RAB3IP: variants seen among roughly 807,000 people sequenced by gnomAD.
The protein encoded by RAB3IP is RAB3A interacting protein.
RAB3IP carries 36 observed loss-of-function variants against 59.1 expected under a neutral mutation model. The observed-to-expected ratio is 0.61, with a 90% CI of 0.47 to 0.80. The LOEUF (loss-of-function observed/expected upper bound fraction) is 0.80. Among genes scored for constraint, RAB3IP ranks in the 30% least tolerant of loss-of-function variants. The pLI is 0.00. For synonymous variants in RAB3IP, 207 were observed against 191.2 expected (o/e 1.08, Z -0.68); for missense variants, 511 against 536.0 (o/e 0.95, Z 0.46).
At chr12:69,754,524 A>T (rs534088514) in intron 1 of RAB3IP, among the ~76,000 whole-genome samples, 67 of 152,232 alleles carry the variant, frequency 4.4e-4, no homozygotes, top group Non-Finnish European at 9.0e-4. Flanking sequence ...AACCAAGGTC[A>T]TGTATAATCA....
intron 10 of RAB3IP, among the ~76,000 whole-genome samples, chr12:69,813,314 A>G (rs1225375072): frequency 6.6e-6 from 1 of 152,178 alleles, no homozygotes; most frequent in Non-Finnish European, 1.5e-5. Flanking sequence ...GTATATGATA[A>G]ACCAGATGGT....
rs1321814284 is a variant in RAB3IP, at chr12:69,775,475, A to C, written c.511-9245A>C. ...TTGAATAGGAGCGGTGAGAGAGGGCATCCCTGTCTTGTGCCAGTTTTCAAA... is the reference window on the plus strand; with the variant it reads ...TTGAATAGGAGCGGTGAGAGAGGGCCTCCCTGTCTTGTGCCAGTTTTCAAA... On this transcript the variant is annotated intron_variant, in intron 3 of 10. Coordinates refer to ENST00000247833, the MANE Select transcript of RAB3IP (RefSeq NM_022456.5). 2.1e-4 allele frequency among the ~76,000 whole-genome samples: 14 copies of C among 68,058 alleles called. No homozygotes were observed. In the East Asian group the frequency reaches 2.2e-3, roughly 10 times the overall value. The allele number at this position is 68,058 out of a possible 152,430, so 44.6% of individuals were successfully genotyped here.
In RAB3IP at chr12:69,789,794, C is replaced by T. The variant is rs1470912993; in HGVS notation, c.607-4643C>T. 3.3e-5 allele frequency among the ~76,000 whole-genome samples: 5 copies of T among 152,076 alleles called. No individual in the cohort carries two copies. The South Asian group carries it at 8.3e-4, about 25-fold the overall frequency. On this transcript the variant is annotated intron_variant, in intron 4 of 10. Coordinates refer to ENST00000247833, the MANE Select transcript of RAB3IP (RefSeq NM_022456.5). ...GATGCATCAACATAGGCAAATCAATCAGTGTGATAAACCACAGTAATAGAA... is the reference window on the plus strand; with the variant it reads ...GATGCATCAACATAGGCAAATCAATTAGTGTGATAAACCACAGTAATAGAA...
At chr12:69,791,590 G>A (rs972315544) in intron 4 of RAB3IP, among the ~76,000 whole-genome samples, 2 of 152,092 alleles carry the variant, frequency 1.3e-5, no homozygotes, top group African/African-American at 4.8e-5. Context: ...TAATCATCAG[G>A]TAAATGCCAG....
At chr12:69,814,746 A>G (rs892138084) in intron 10 of RAB3IP, among the ~76,000 whole-genome samples, 3 of 152,182 alleles carry the variant, frequency 2.0e-5, no homozygotes, top group African/African-American at 7.2e-5. Flanking sequence ...TCATATATCA[A>G]ACGAAGACCT....
At chr12:69,766,636 T>G (rs1872249106) in intron 3 of RAB3IP, among the ~76,000 whole-genome samples, 1 of 152,036 alleles carries the variant, frequency 6.6e-6, no homozygotes, top group South Asian at 2.1e-4. Flanking sequence ...TTCTCCTGCC[T>G]CAGTCTCCCG....
intron 4 of RAB3IP, among the ~76,000 whole-genome samples, chr12:69,788,330 T>A (rs1876045310): frequency 6.6e-6 from 1 of 152,166 alleles, no homozygotes; most frequent in South Asian, 2.1e-4. Flanking sequence ...ATGATATTGC[T>A]TATTGCTCCT....
intron 3 of RAB3IP, among the ~76,000 whole-genome samples, chr12:69,759,713 C>G (rs534869289): frequency 1.8e-4 from 27 of 150,000 alleles, no homozygotes; most frequent in African/African-American, 6.7e-4. Context: ...CCCCCCACCT[C>G]CCTCCCGGAC....
At chr12:69,779,406 G>C (rs1284434916) in intron 3 of RAB3IP, among the ~76,000 whole-genome samples, 3 of 151,974 alleles carry the variant, frequency 2.0e-5, no homozygotes, top group African/African-American at 7.3e-5. Context: ...CTGTAGACCG[G>C]AGCTGTTCCT....
intron 1 of RAB3IP, among the ~76,000 whole-genome samples, chr12:69,748,128 C>A (rs1315862464): frequency 7.0e-6 from 1 of 143,570 alleles, no homozygotes; most frequent in African/African-American, 2.6e-5. Flanking sequence ...CAAGGTAAGT[C>A]CAAATTAGGG....
intron 3 of RAB3IP, among the ~76,000 whole-genome samples, chr12:69,771,698 A>G (rs1053276085): frequency 2.0e-5 from 3 of 152,138 alleles, no homozygotes; most frequent in African/African-American, 7.2e-5. Flanking sequence ...TTCTATTTTT[A>G]ATTTTTGGGA....
At chr12:69,807,720 G>C (rs1377796196) in intron 8 of RAB3IP, among the ~76,000 whole-genome samples, 1 of 147,632 alleles carries the variant, frequency 6.8e-6, no homozygotes, top group Non-Finnish European at 1.5e-5. Flanking sequence ...CTTCCTAGAT[G>C]GGGCGGCCGG....
chr12:69,763,895 A>G (rs1871776240), intron 3 of RAB3IP, among the ~76,000 whole-genome samples: 1 of 152,226 alleles, frequency 6.6e-6, no homozygotes, highest in Non-Finnish European at 1.5e-5. Flanking sequence ...TGCTTAGGAT[A>G]ATAGCCTCCA....
At chr12:69,789,093 A>G (rs898244892) in intron 4 of RAB3IP, among the ~76,000 whole-genome samples, 1 of 152,058 alleles carries the variant, frequency 6.6e-6, no homozygotes, top group Non-Finnish European at 1.5e-5. Context: ...GAACAATCTC[A>G]ACCTAACTTT....
rs571366892 is a variant in RAB3IP, at chr12:69,739,533, G to GTGGT, written c.-26+504_-26+507dup. The GTGGT allele has an allele frequency of 4.1e-4, 178 of 432,252 alleles. 3 individuals are homozygous for GTGGT. In the South Asian group the frequency reaches 4.3e-3, roughly 10 times the overall value. The allele number at this position is 432,252 out of a possible 1,614,324, so 26.8% of individuals were successfully genotyped here. On this transcript the variant is annotated intron_variant, in intron 1 of 10. Coordinates refer to ENST00000247833, the MANE Select transcript of RAB3IP (RefSeq NM_022456.5). ...CGCGCGGCAGGGCTGTGGACCTGGGGTGGTTTCGTGTCCCAGTCTTAGGAA... is the reference window on the plus strand; with the variant it reads ...CGCGCGGCAGGGCTGTGGACCTGGGGTGGTTGGTTTCGTGTCCCAGTCTTAGGAA...
rs138099637 is a variant in RAB3IP at position 69,787,761 on chromosome 12, C to T, written c.606+2946C>T. Among the ~76,000 whole-genome samples the T allele has an allele frequency of 2.0e-3, 301 of 151,416 alleles. 1 individual carries two copies. Among genetic ancestry groups the T allele is most frequent in the Non-Finnish European group, 3.4e-3 (230 of 67,708 alleles). On this transcript the variant is annotated intron_variant, in intron 4 of 10. Transcript: ENST00000247833. ...TTTTTGATCCTGTACCTGATCAGTA[C>T]GAGAAAAATTTGAGCATGTTACCTC...
chr12:69,801,608 G>A lies in RAB3IP; in HGVS notation c.1018-1G>A. The A allele has an allele frequency of 6.3e-7, 1 of 1,590,252 alleles. No homozygotes were observed. Among genetic ancestry groups the A allele is most frequent in the Non-Finnish European group, 8.6e-7 (1 of 1,167,034 alleles). On this transcript the variant is annotated splice_acceptor_variant, in intron 7 of 10. Transcript: ENST00000247833. LOFTEE classifies it high-confidence loss of function. ...TCTAGTACTTTTTCTTTTTTTTTAA[G>A]TTGGCTTCAGCTGTTCTGGAGGCTG...
At chr12:69,741,374 C>T (rs1020888710) in intron 1 of RAB3IP, among the ~76,000 whole-genome samples, 34 of 152,192 alleles carry the variant, frequency 2.2e-4, no homozygotes, top group African/African-American at 8.2e-4. Flanking sequence ...AAACTGTATC[C>T]GACTGCCCAA....
At chr12:69,755,282 A>G (rs1870010725) in intron 1 of RAB3IP, 102 bp from the exon 2 acceptor site, 2 of 1,059,294 alleles carry the variant, frequency 1.9e-6, no homozygotes, top group Admixed American at 5.5e-5. Context: ...TAAGCTTATA[A>G]TTTACAATGG....
Sources: allele counts gnomAD v4.1 joint callset (sites outside exome capture counted in the v4.1 genomes callset), GRCh38; gene constraint gnomAD v4.1.1; transcripts MANE v1.5; gene names NCBI Gene and HGNC (gene_info 2026-07-23, HGNC 2026-07-21).